RAVER2: variants seen among roughly 807,000 people sequenced by gnomAD.
RAVER2 encodes the protein ribonucleoprotein PTB-binding 2.
A neutral mutation model predicts 78.1 loss-of-function variants in RAVER2; 46 were observed. The ratio of observed to expected loss-of-function variants is 0.59; its 90% CI spans 0.46 to 0.75. RAVER2 has a LOEUF of 0.75. Among genes scored for constraint, RAVER2 ranks in the 30% least tolerant of loss-of-function variants. The pLI, the probability that RAVER2 is intolerant of heterozygous loss-of-function variation, is 0.00. For synonymous variants in RAVER2, 311 were observed against 313.3 expected (o/e 0.99, Z 0.08); for missense variants, 793 against 837.5 (o/e 0.95, Z 0.66).
chr1:64,833,110 T>C lies in RAVER2; in HGVS notation c.*2125T>C, dbSNP rs564709694. 11 of 182,370 alleles carry C rather than the reference T, an allele frequency of 6.0e-5. No homozygotes were observed. In the Admixed American group the frequency reaches 6.9e-4, roughly 11 times the overall value. 11.3% of individuals were successfully genotyped at this position (182,370 alleles called of 1,614,324 possible). On this transcript the variant is annotated 3_prime_UTR_variant, in exon 12 of 12. Transcript: ENST00000294428. ...CAAGTGGTGTTTGTTTGTTTGTTAG[T>C]AGTAAGGACCGTAACCCACCCCTTC...
chr1:64,783,799 G>A (rs7540450), intron 4 of RAVER2, among the ~76,000 whole-genome samples: 21,418 of 152,096 alleles, frequency 0.14, 1,585 homozygotes, highest in East Asian at 0.31. Context: ...AACACCAAAA[G>A]CAATGGCAAC....
intron 1 of RAVER2, among the ~76,000 whole-genome samples, chr1:64,748,075 A>G (rs1457460761): frequency 6.6e-6 from 1 of 152,238 alleles, no homozygotes; most frequent in Non-Finnish European, 1.5e-5. Context: ...ATTAAAAGGC[A>G]TACTGAAAGT....
At chr1:64,781,343 G>C in intron 3 of RAVER2, 37 bp from the exon 4 acceptor site, 1 of 1,465,244 alleles carries the variant, frequency 6.8e-7, no homozygotes, top group Non-Finnish European at 9.1e-7. Flanking sequence ...TCTAAGTAAA[G>C]ATCGGAATTA....
intron 1 of RAVER2, among the ~76,000 whole-genome samples, chr1:64,763,920 A>G (rs1237842339): frequency 7.5e-6 from 1 of 133,136 alleles, no homozygotes; most frequent in Non-Finnish European, 1.6e-5. Flanking sequence ...ACAAAAATAC[A>G]CACACACACA....
At chr1:64,792,675 G>A (rs1271356003) in intron 5 of RAVER2, among the ~76,000 whole-genome samples, 1 of 152,076 alleles carries the variant, frequency 6.6e-6, no homozygotes, top group Non-Finnish European at 1.5e-5. Flanking sequence ...GCTTTTTCTT[G>A]TGTGGGGTGG....
chr1:64,770,722 A>G lies in RAVER2; in HGVS notation c.316+2000A>G, dbSNP rs186013046. On this transcript the variant is annotated intron_variant, in intron 2 of 11. Coordinates refer to ENST00000294428, the Ensembl canonical transcript of RAVER2. ...TAGTAAGTTATAGTAAAGATTGAACATGGTAAATAGAGACTTGGAAGATAT... is the reference window on the plus strand; with the variant it reads ...TAGTAAGTTATAGTAAAGATTGAACGTGGTAAATAGAGACTTGGAAGATAT... 3.3e-5 allele frequency among the ~76,000 whole-genome samples: 5 copies of G among 152,190 alleles called. 1 individual carries two copies. Among genetic ancestry groups the G allele is most frequent in the South Asian group, 4.1e-4 (2 of 4,828 alleles).
At chr1:64,788,423 G>A (rs1557594762) in intron 4 of RAVER2, among the ~76,000 whole-genome samples, 1 of 152,048 alleles carries the variant, frequency 6.6e-6, no homozygotes, top group Non-Finnish European at 1.5e-5. Flanking sequence ...AGTGAGCCGA[G>A]ATCGCGCCAC....
At chr1:64,755,738 T>TG (rs1220089377) in intron 1 of RAVER2, among the ~76,000 whole-genome samples, 8 of 143,834 alleles carry the variant, frequency 5.6e-5, no homozygotes, top group African/African-American at 2.1e-4. Flanking sequence ...TTTTTTTTTT[T>TG]TTTTTTTTTT....
At chr1:64,828,591 A>G (rs757236301) in intron 11 of RAVER2, among the ~76,000 whole-genome samples, 3 of 152,050 alleles carry the variant, frequency 2.0e-5, no homozygotes, top group Non-Finnish European at 2.9e-5. Context: ...TATCTTTGAT[A>G]GGGCGTATCA....
chr1:64,756,475 G>T (rs1189215426), intron 1 of RAVER2, among the ~76,000 whole-genome samples: 1 of 152,086 alleles, frequency 6.6e-6, no homozygotes, highest in Admixed American at 6.5e-5. Flanking sequence ...TTTAGATTTG[G>T]AGAGTGGGAG....
At chr1:64,791,276 A>T (rs1227393794) in intron 5 of RAVER2, among the ~76,000 whole-genome samples, 1 of 152,076 alleles carries the variant, frequency 6.6e-6, no homozygotes, top group Non-Finnish European at 1.5e-5. Flanking sequence ...GAGTTTCACT[A>T]TGTCAGTGTG....
intron 5 of RAVER2, among the ~76,000 whole-genome samples, chr1:64,791,204 C>T (rs1401632541): frequency 1.3e-5 from 2 of 152,322 alleles, no homozygotes; most frequent in East Asian, 3.9e-4. Context: ...ACCCTCCCAA[C>T]ACATCAATAT....
At chr1:64,833,228 G>A (rs1654233977) in exon 12 of RAVER2, 1 of 219,548 alleles carries the variant, frequency 4.6e-6, no homozygotes, top group South Asian at 1.8e-4. Context: ...GCATATGCAT[G>A]TAAAGTCTTT....
intron 11 of RAVER2, among the ~76,000 whole-genome samples, chr1:64,823,628 C>G (rs530173047): frequency 9.2e-5 from 14 of 152,206 alleles, no homozygotes; most frequent in Non-Finnish European, 2.9e-5. Flanking sequence ...TATTAAACAC[C>G]TAAATCTAAC....
intron 5 of RAVER2, among the ~76,000 whole-genome samples, chr1:64,801,302 T>C (rs1390982582): frequency 1.3e-5 from 2 of 151,208 alleles, no homozygotes; most frequent in Non-Finnish European, 2.9e-5. Flanking sequence ...TTTCACCATG[T>C]TGACCAGGCT....
At chr1:64,796,192 A>T (rs2100861775) in intron 5 of RAVER2, among the ~76,000 whole-genome samples, 1 of 152,108 alleles carries the variant, frequency 6.6e-6, no homozygotes, top group East Asian at 1.9e-4. Flanking sequence ...ATTTAATAAA[A>T]TTTAGTTTGA....
chr1:64,800,200 A>C (rs1227762090), intron 5 of RAVER2, among the ~76,000 whole-genome samples: 1 of 151,580 alleles, frequency 6.6e-6, no homozygotes, highest in Non-Finnish European at 1.5e-5. Flanking sequence ...GTGTCACATG[A>C]ATAATTTGCA....
chr1:64,825,725 A>C (rs753489582), intron 11 of RAVER2, among the ~76,000 whole-genome samples: 4 of 152,272 alleles, frequency 2.6e-5, no homozygotes, highest in Non-Finnish European at 4.4e-5. Context: ...AAAAACTGGC[A>C]GTCAACAAAT....
At chr1:64,814,805 A>G in exon 11 of RAVER2, 2 of 1,585,932 alleles carry the variant, frequency 1.3e-6, no homozygotes, top group Non-Finnish European at 1.7e-6. Context: ...GGAAAAGTGC[A>G]TTGCTTATTC....
Sources: allele counts gnomAD v4.1 joint callset (sites outside exome capture counted in the v4.1 genomes callset), GRCh38; gene constraint gnomAD v4.1.1; transcripts MANE v1.5; gene names NCBI Gene and HGNC (gene_info 2026-07-23, HGNC 2026-07-21).